BMPR1B: variants seen among roughly 807,000 people sequenced by gnomAD.
The protein encoded by BMPR1B is bone morphogenetic protein receptor type-1B.
A neutral mutation model predicts 59.1 loss-of-function variants in BMPR1B; 12 were observed. That is an observed-to-expected ratio of 0.20 (90% confidence interval 0.13 to 0.33). The LOEUF is 0.33. BMPR1B is among the 10% of genes least tolerant of loss of function. The probability of loss-of-function intolerance (pLI) is 1.00; values close to 1 mark genes in which losing one functional copy is unlikely to be tolerated. For synonymous variants in BMPR1B, 237 were observed against 207.3 expected, an observed-to-expected ratio of 1.14 and a Z score of -1.23; for missense variants, 550 against 610.9, an observed-to-expected ratio of 0.90 and a Z score of 1.05.
intron 2 of BMPR1B, among the ~76,000 whole-genome samples, chr4:94,943,588 A>G (rs1343293410): frequency 2.6e-5 from 4 of 152,198 alleles, no homozygotes; most frequent in Non-Finnish European, 4.4e-5. Context: ...GTACCAAGCA[A>G]GTAAGGCTTA....
intron 3 of BMPR1B, among the ~76,000 whole-genome samples, chr4:95,083,718 T>C (rs190433909): frequency 6.6e-6 from 1 of 152,328 alleles, no homozygotes; most frequent in African/African-American, 2.4e-5. Flanking sequence ...AGATACCTTA[T>C]GGAGGATGGA....
At chr4:95,010,425 A>G (rs1723137796) in intron 3 of BMPR1B, among the ~76,000 whole-genome samples, 1 of 152,108 alleles carries the variant, frequency 6.6e-6, no homozygotes, top group South Asian at 2.1e-4. Context: ...TTGGAACCAT[A>G]TCTCTCTAAC....
chr4:94,895,679 T>A (rs888832831), intron 2 of BMPR1B, among the ~76,000 whole-genome samples: 87 of 151,780 alleles, frequency 5.7e-4, no homozygotes, highest in Non-Finnish European at 6.8e-4. Context: ...CTTTTTTTTT[T>A]TAAAAATAGG....
intron 3 of BMPR1B, among the ~76,000 whole-genome samples, chr4:95,059,154 A>G (rs1200906284): frequency 6.6e-6 from 1 of 152,180 alleles, no homozygotes; most frequent in African/African-American, 2.4e-5. Flanking sequence ...AGCTGAAGTT[A>G]TTGAGAACTG....
At chr4:95,105,741 G>A (rs908469899) in intron 4 of BMPR1B, among the ~76,000 whole-genome samples, 1 of 152,010 alleles carries the variant, frequency 6.6e-6, no homozygotes, top group African/African-American at 2.4e-5. Context: ...CTACAAAGTT[G>A]TGACCACTGA....
chr4:94,867,204 C>T lies in BMPR1B; in HGVS notation c.-182-8627C>T, dbSNP rs17428952. Among the ~76,000 whole-genome samples the T allele has an allele frequency of 2.0e-5, 3 of 152,226 alleles. No homozygotes were observed. The South Asian group carries it at 6.2e-4, about 32-fold the overall frequency. ...GCTAACCCTTCTCTGGATAGATACC[C>T]CATTCTCAAGCATGCCTCCAGAAGA... On this transcript the variant is annotated intron_variant, in intron 1 of 12. Coordinates refer to ENST00000515059, the MANE Select transcript of BMPR1B (RefSeq NM_001203.3).
chr4:95,140,289 C>G (rs1734129352), intron 10 of BMPR1B, among the ~76,000 whole-genome samples: 2 of 152,094 alleles, frequency 1.3e-5, no homozygotes, highest in Admixed American at 1.3e-4. Context: ...ATAAATGATT[C>G]CATATGGAAC....
intron 1 of BMPR1B, among the ~76,000 whole-genome samples, chr4:94,794,810 G>T (rs1389523396): frequency 1.3e-5 from 2 of 148,632 alleles, no homozygotes; most frequent in African/African-American, 5.0e-5. Context: ...TCATGATTTG[G>T]CTCTCTGTTT....
chr4:95,150,689 G>A (rs1560694678), intron 11 of BMPR1B, among the ~76,000 whole-genome samples: 1 of 152,192 alleles, frequency 6.6e-6, no homozygotes, highest in African/African-American at 2.4e-5. Flanking sequence ...ATAAACAGCA[G>A]GGTATTAATT....
intron 2 of BMPR1B, among the ~76,000 whole-genome samples, chr4:94,983,588 A>G (rs1347663206): frequency 6.6e-6 from 1 of 152,196 alleles, no homozygotes; most frequent in Non-Finnish European, 1.5e-5. Flanking sequence ...CAATATGGAA[A>G]ATTTAAGGGC....
chr4:94,919,375 A>G (rs1246297013), intron 2 of BMPR1B, among the ~76,000 whole-genome samples: 2 of 152,230 alleles, frequency 1.3e-5, no homozygotes, highest in African/African-American at 4.8e-5. Context: ...ATTTAAAATT[A>G]TAATCCAACA....
At chr4:94,978,979 C>T (rs1731134266) in intron 2 of BMPR1B, among the ~76,000 whole-genome samples, 1 of 148,516 alleles carries the variant, frequency 6.7e-6, no homozygotes, top group Admixed American at 6.8e-5. Flanking sequence ...CACACACACA[C>T]GAAAGGTAAG....
chr4:95,031,957 C>G (rs766243337), intron 3 of BMPR1B, among the ~76,000 whole-genome samples: 4 of 151,996 alleles, frequency 2.6e-5, no homozygotes, highest in Non-Finnish European at 5.9e-5. Context: ...TGTAACATAA[C>G]GATTCTCATC....
At chr4:94,974,907 G>A (rs529583754) in intron 2 of BMPR1B, among the ~76,000 whole-genome samples, 9 of 152,214 alleles carry the variant, frequency 5.9e-5, no homozygotes, top group Admixed American at 2.6e-4. Context: ...GAAATGAACC[G>A]TAAAGGGTTT....
intron 3 of BMPR1B, among the ~76,000 whole-genome samples, chr4:95,028,859 T>C (rs1724606263): frequency 6.6e-6 from 1 of 151,878 alleles, no homozygotes; most frequent in African/African-American, 2.4e-5. Context: ...TAATATAAAG[T>C]TTAAAATATG....
chr4:95,101,368 G>A (rs371483334), intron 3 of BMPR1B, among the ~76,000 whole-genome samples: 1 of 152,252 alleles, frequency 6.6e-6, no homozygotes. Context: ...TATGTGTGTT[G>A]CTTTTACCCT....
At chr4:94,973,060 T>G (rs1730876655) in intron 2 of BMPR1B, among the ~76,000 whole-genome samples, 1 of 151,958 alleles carries the variant, frequency 6.6e-6, no homozygotes, top group African/African-American at 2.4e-5. Flanking sequence ...TGGGATCCAG[T>G]CAGCTGCTTT....
chr4:95,108,065 T>C (rs531579404), intron 4 of BMPR1B, among the ~76,000 whole-genome samples: 1 of 152,222 alleles, frequency 6.6e-6, no homozygotes, highest in South Asian at 2.1e-4. Flanking sequence ...GATACTTTGC[T>C]AAATTATAAT....
At chr4:94,883,227 G>A (rs1727049709) in intron 2 of BMPR1B, among the ~76,000 whole-genome samples, 1 of 152,112 alleles carries the variant, frequency 6.6e-6, no homozygotes, top group Non-Finnish European at 1.5e-5. Flanking sequence ...TGCATCTGAG[G>A]GAGAGAGTGT....
Sources: allele counts gnomAD v4.1 joint callset (sites outside exome capture counted in the v4.1 genomes callset), GRCh38; gene constraint gnomAD v4.1.1; transcripts MANE v1.5; gene names NCBI Gene and HGNC (gene_info 2026-07-23, HGNC 2026-07-21).